MACROD1: variants seen among roughly 807,000 people sequenced by gnomAD.
MACROD1 encodes ADP-ribose glycohydrolase MACROD1.
MACROD1 carries 31 observed loss-of-function variants against 41.4 expected under a neutral mutation model. That is an observed-to-expected ratio of 0.75 (90% CI 0.56 to 1.01). The LOEUF (loss-of-function observed/expected upper bound fraction) is 1.01. MACROD1 is among the 50% of genes least tolerant of loss of function. The pLI is 0.00. For missense variants in MACROD1, 473 were observed against 460.0 expected, an observed-to-expected ratio of 1.03 and a Z score of -0.26; for synonymous variants, 252 against 203.4, an observed-to-expected ratio of 1.24 and a Z score of -2.03.
At chr11:64,011,531 T>G (rs1356833157) in intron 4 of MACROD1, among the ~76,000 whole-genome samples, 2 of 151,880 alleles carry the variant, frequency 1.3e-5, no homozygotes, top group African/African-American at 4.8e-5. Context: ...ATTATTTACT[T>G]CAAAGCAGGA....
At chr11:64,123,943 T>C (rs1945138967) in intron 3 of MACROD1, among the ~76,000 whole-genome samples, 1 of 152,156 alleles carries the variant, frequency 6.6e-6, no homozygotes, top group Admixed American at 6.5e-5. Flanking sequence ...GTCTGGTGCT[T>C]TGACTAGAAG....
At chr11:64,025,329 G>A (rs975203283) in intron 3 of MACROD1, among the ~76,000 whole-genome samples, 9 of 152,196 alleles carry the variant, frequency 5.9e-5, no homozygotes, top group African/African-American at 2.2e-4. Flanking sequence ...TGAACAGCCA[G>A]GCCAGCCTGG....
intron 3 of MACROD1, among the ~76,000 whole-genome samples, chr11:64,066,474 C>T (rs913480302): frequency 9.2e-5 from 14 of 151,426 alleles, no homozygotes; most frequent in South Asian, 2.1e-4. Context: ...AAAAAATTAG[C>T]GGAGTGTGGT....
At chr11:64,144,663 C>T (rs1945466467) in intron 3 of MACROD1, among the ~76,000 whole-genome samples, 1 of 152,116 alleles carries the variant, frequency 6.6e-6, no homozygotes, top group Non-Finnish European at 1.5e-5. Flanking sequence ...GAGGAGGGAG[C>T]CCAGGGCCAG....
intron 4 of MACROD1, among the ~76,000 whole-genome samples, chr11:64,005,324 G>T (rs142719558): frequency 2.6e-5 from 4 of 152,212 alleles, no homozygotes; most frequent in African/African-American, 9.6e-5. Context: ...CACCGCGCCC[G>T]GCCAAGACCC....
chr11:64,053,231 T>C (rs1299197507), intron 3 of MACROD1, among the ~76,000 whole-genome samples: 1 of 152,136 alleles, frequency 6.6e-6, no homozygotes, highest in Non-Finnish European at 1.5e-5. Context: ...CTCCCCTCTT[T>C]AGCTGCTAGG....
intron 4 of MACROD1, among the ~76,000 whole-genome samples, chr11:64,005,250 G>C (rs1353382130): frequency 1.3e-5 from 2 of 152,138 alleles, no homozygotes; most frequent in Admixed American, 6.5e-5. Flanking sequence ...GGCTGGTCTT[G>C]AACTCCTGAC....
intron 3 of MACROD1, among the ~76,000 whole-genome samples, chr11:64,015,572 G>A (rs1943070287): frequency 6.6e-6 from 1 of 152,114 alleles, no homozygotes; most frequent in African/African-American, 2.4e-5. Flanking sequence ...GAGGCAGATG[G>A]CCCCCGCCAC....
At chr11:64,079,572 G>A (rs558899049) in intron 3 of MACROD1, among the ~76,000 whole-genome samples, 1 of 152,200 alleles carries the variant, frequency 6.6e-6, no homozygotes, top group Non-Finnish European at 1.5e-5. Context: ...CGGGCACAGA[G>A]AGGAGTCCAG....
chr11:64,117,485 G>C, intron 3 of MACROD1: 1 of 1,612,326 alleles, frequency 6.2e-7, no homozygotes, highest in Non-Finnish European at 8.5e-7. Flanking sequence ...CCACGCCCCA[G>C]GGTTCCCTGT....
chr11:64,145,486 A>C (rs1945483018), intron 3 of MACROD1, among the ~76,000 whole-genome samples: 1 of 151,512 alleles, frequency 6.6e-6, no homozygotes, highest in South Asian at 2.1e-4. Flanking sequence ...ACAGGCCTGA[A>C]CTCCTGTCCT....
intron 4 of MACROD1, among the ~76,000 whole-genome samples, chr11:64,005,442 C>T (rs533448469): frequency 1.3e-5 from 2 of 152,346 alleles, no homozygotes; most frequent in African/African-American, 4.8e-5. Context: ...CAGCTCTTGC[C>T]CCTGGCCCCC....
At chr11:64,061,198 C>T (rs1271621840) in intron 3 of MACROD1, among the ~76,000 whole-genome samples, 2 of 152,242 alleles carry the variant, frequency 1.3e-5, no homozygotes, top group African/African-American at 4.8e-5. Context: ...AAATAAGTCC[C>T]CCGCTTCTAA....
At chr11:64,061,977 CT>C (rs1293801539) in intron 3 of MACROD1, among the ~76,000 whole-genome samples, 1 of 148,234 alleles carries the variant, frequency 6.7e-6, no homozygotes, top group Non-Finnish European at 1.5e-5. Context: ...CCCCACCCCC[CT>C]GCCCCCTTCT....
chr11:64,097,264 G>C (rs1356087344), intron 3 of MACROD1, among the ~76,000 whole-genome samples: 1 of 152,266 alleles, frequency 6.6e-6, no homozygotes, highest in Non-Finnish European at 1.5e-5. Flanking sequence ...GGAGGGGCAG[G>C]TGGCTACGGT....
At chr11:64,123,192 C>T (rs576837588) in intron 3 of MACROD1, among the ~76,000 whole-genome samples, 7 of 152,316 alleles carry the variant, frequency 4.6e-5, no homozygotes, top group Non-Finnish European at 1.0e-4. Context: ...AGGACGCAGC[C>T]AGGGTCAGTG....
intron 3 of MACROD1, among the ~76,000 whole-genome samples, chr11:64,023,809 C>T (rs566750109): frequency 3.3e-5 from 5 of 152,210 alleles, no homozygotes; most frequent in Admixed American, 3.3e-4. Context: ...TATAGCCCCT[C>T]TTCCTGGTCT....
At chr11:64,032,942 C>T (rs2134367397) in intron 3 of MACROD1, among the ~76,000 whole-genome samples, 1 of 151,928 alleles carries the variant, frequency 6.6e-6, no homozygotes, top group South Asian at 2.1e-4. Context: ...TATCCGCCCC[C>T]CAGCTTCTGT....
At chr11:64,075,789 C>T (rs1944189616) in intron 3 of MACROD1, among the ~76,000 whole-genome samples, 1 of 152,264 alleles carries the variant, frequency 6.6e-6, no homozygotes, top group African/African-American at 2.4e-5. Flanking sequence ...TCTCCTGCCT[C>T]AGCCTCCCAA....
Sources: allele counts gnomAD v4.1 joint callset (sites outside exome capture counted in the v4.1 genomes callset), GRCh38; gene constraint gnomAD v4.1.1; transcripts MANE v1.5; gene names NCBI Gene and HGNC (gene_info 2026-07-23, HGNC 2026-07-21).